GUCY1A2: variants seen among roughly 807,000 people sequenced by gnomAD.
GUCY1A2 encodes the protein guanylate cyclase soluble subunit alpha-2.
GUCY1A2 carries 27 observed loss-of-function variants against 63.5 expected under a neutral mutation model. The ratio of observed to expected loss-of-function variants is 0.43; its 90% CI spans 0.31 to 0.59. GUCY1A2 has a LOEUF of 0.59. Ranked by LOEUF, GUCY1A2 falls within the 20% of genes least tolerant of loss-of-function variation. The pLI is 0.11. For missense variants in GUCY1A2, 768 were observed against 913.3 expected (o/e 0.84, Z 2.05); for synonymous variants, 364 against 343.5 (o/e 1.06, Z -0.66).
chr11:107,016,173 C>T (rs1861820874), intron 1 of GUCY1A2, among the ~76,000 whole-genome samples: 1 of 152,174 alleles, frequency 6.6e-6, no homozygotes, highest in African/African-American at 2.4e-5. Context: ...CAGTAGTAAT[C>T]TCAAAAGAGA....
intron 4 of GUCY1A2, among the ~76,000 whole-genome samples, chr11:106,842,356 C>G (rs965819396): frequency 2.6e-5 from 4 of 151,942 alleles, no homozygotes; most frequent in Non-Finnish European, 5.9e-5. Context: ...TAAGTTCCTG[C>G]TGGGGCCCTG....
intron 4 of GUCY1A2, 38 bp from the exon 5 acceptor site, chr11:106,810,516 A>G: frequency 1.3e-6 from 2 of 1,505,730 alleles, no homozygotes; most frequent in Non-Finnish European, 1.8e-6. Context: ...AGTACTCTTC[A>G]CATAGTAGGT....
Position 106,684,432 on chromosome 11 carries a change from A to G in GUCY1A2, c.*3117T>C, listed in dbSNP as rs911273792. 1 of 191,490 alleles carries G rather than the reference A, an allele frequency of 5.2e-6. No homozygotes were observed. Among genetic ancestry groups the G allele is most frequent in the African/African-American group, 2.3e-5 (1 of 42,972 alleles). 11.9% of individuals were successfully genotyped at this position (191,490 alleles called of 1,614,324 possible). On this transcript the variant is annotated 3_prime_UTR_variant, in exon 8 of 8. Coordinates refer to ENST00000526355, the MANE Select transcript of GUCY1A2 (RefSeq NM_000855.3). ...GATCCAACTACTATGTTTCTGAAGC[A>G]TATTATTATTTTTTATTATGGCCAA... is the stretch of plus-strand genomic sequence containing the variant.
At chr11:106,847,364 A>G (rs1859290433) in intron 4 of GUCY1A2, among the ~76,000 whole-genome samples, 1 of 151,314 alleles carries the variant, frequency 6.6e-6, no homozygotes, top group Non-Finnish European at 1.5e-5. Context: ...TGAAGATGAT[A>G]ATAATACCTT....
In GUCY1A2 at chr11:106,975,808, TG is replaced by T. The variant is rs567789667; in HGVS notation, c.487+2810del. ...CAACATGTGCTCCCAGGGAGTCCCA[TG>T]GAAGAGGTGAGAGAACAAATGAGTG... is the stretch of plus-strand genomic sequence containing the variant. On this transcript the variant is annotated intron_variant, in intron 3 of 7. Transcript: ENST00000526355. Among the ~76,000 whole-genome samples, 1,131 of 152,262 alleles carry T rather than the reference TG, an allele frequency of 7.4e-3. 17 individuals carry two copies. Among genetic ancestry groups the T allele is most frequent in the South Asian group, 0.034 (166 of 4,818 alleles).
Position 106,698,119 on chromosome 11 carries a change from ATTTT to A in GUCY1A2, c.1992-10367_1992-10364del, listed in dbSNP as rs71470827. Among the ~76,000 whole-genome samples the A allele has an allele frequency of 8.1e-4, 81 of 100,488 alleles. 5 individuals are homozygous for A. Among genetic ancestry groups the A allele is most frequent in the Non-Finnish European group, 1.3e-3 (70 of 52,020 alleles). The allele number at this position is 100,488 out of a possible 152,430, so 65.9% of individuals were successfully genotyped here. On this transcript the variant is annotated intron_variant, in intron 7 of 7. Transcript: ENST00000526355. ...TTTACAGCTTTCACTGAATGTTAGAATTTTTTTTTTTTTTTTTTTAGACAGGGTC... is the reference window on the plus strand; with the variant it reads ...TTTACAGCTTTCACTGAATGTTAGAATTTTTTTTTTTTTTTAGACAGGGTC...
intron 3 of GUCY1A2, among the ~76,000 whole-genome samples, chr11:106,953,757 G>T (rs1015780158): frequency 9.2e-5 from 14 of 151,982 alleles, no homozygotes; most frequent in Non-Finnish European, 1.5e-4. Context: ...TTGGTAGGGT[G>T]TATGTGTCCA....
intron 4 of GUCY1A2, among the ~76,000 whole-genome samples, chr11:106,877,950 C>A (rs1417022336): frequency 1.3e-5 from 2 of 151,656 alleles, no homozygotes; most frequent in Non-Finnish European, 2.9e-5. Flanking sequence ...CCCAAACAAA[C>A]CCATTAAAAA....
At chr11:106,881,341 C>G (rs193001890) in intron 4 of GUCY1A2, among the ~76,000 whole-genome samples, 12 of 152,084 alleles carry the variant, frequency 7.9e-5, no homozygotes, top group Admixed American at 7.2e-4. Context: ...CAAAAGATGG[C>G]CATAACTCAG....
chr11:107,018,157 C>A lies in GUCY1A2; in HGVS notation c.-102G>T. On this transcript the variant is annotated 5_prime_UTR_variant, in exon 1 of 8. Transcript: ENST00000526355. ...CGGCAAGCGACAACGTTAAGCGCGT[C>A]GGGGCCGCGGGGCGCTGCGGTCGCG... 1 of 583,146 alleles carries A rather than the reference C, an allele frequency of 1.7e-6. No homozygotes were observed. The highest frequency in any genetic ancestry group is 2.4e-6 in the Non-Finnish European group (1 of 414,838). 36.1% of individuals were successfully genotyped at this position (583,146 alleles called of 1,614,324 possible). A position where few individuals can be genotyped will look rare whatever the true frequency, so the allele number is the denominator to read the frequency against.
At chr11:106,897,392 C>T (rs1460607642) in intron 4 of GUCY1A2, among the ~76,000 whole-genome samples, 6 of 152,012 alleles carry the variant, frequency 3.9e-5, no homozygotes, top group East Asian at 1.9e-4. Context: ...ATATACAACA[C>T]GATATTGAAG....
chr11:106,815,875 C>T (rs1858824239), intron 4 of GUCY1A2, among the ~76,000 whole-genome samples: 1 of 151,780 alleles, frequency 6.6e-6, no homozygotes, highest in Non-Finnish European at 1.5e-5. Flanking sequence ...GCCAAGAAAC[C>T]TCAAGACCTG....
intron 4 of GUCY1A2, among the ~76,000 whole-genome samples, chr11:106,860,208 C>T (rs1170426592): frequency 6.6e-6 from 1 of 151,608 alleles, no homozygotes; most frequent in East Asian, 1.9e-4. Context: ...ACACACAGTG[C>T]TCTGCTGTTT....
intron 3 of GUCY1A2, among the ~76,000 whole-genome samples, chr11:106,970,537 G>A (rs1005000988): frequency 5.3e-5 from 8 of 152,126 alleles, no homozygotes; most frequent in Admixed American, 5.2e-4. Flanking sequence ...CTTCAAGGAG[G>A]AAGGCACATG....
At chr11:106,860,637 G>A (rs747926769) in intron 4 of GUCY1A2, among the ~76,000 whole-genome samples, 1 of 151,866 alleles carries the variant, frequency 6.6e-6, no homozygotes. Context: ...TTCTTTTTAC[G>A]TGCCTGGTGA....
At chr11:106,723,057 A>C (rs1444731883) in intron 6 of GUCY1A2, among the ~76,000 whole-genome samples, 1 of 152,202 alleles carries the variant, frequency 6.6e-6, no homozygotes, top group African/African-American at 2.4e-5. Context: ...TTTTATTATG[A>C]TACAAAGTCA....
intron 6 of GUCY1A2, among the ~76,000 whole-genome samples, chr11:106,774,945 T>G (rs11602711): frequency 0.15 from 22,133 of 152,142 alleles, 1,633 homozygotes; most frequent in East Asian, 0.23. Context: ...TTTTTATTTC[T>G]TATAGTTACG....
At chr11:107,009,213 G>A (rs918949706) in intron 1 of GUCY1A2, among the ~76,000 whole-genome samples, 6 of 152,260 alleles carry the variant, frequency 3.9e-5, no homozygotes, top group East Asian at 1.9e-4. Context: ...ATTTTGGTAA[G>A]GTTTGAGAGG....
chr11:107,013,967 A>G (rs1422956517), intron 1 of GUCY1A2, among the ~76,000 whole-genome samples: 5 of 152,026 alleles, frequency 3.3e-5, no homozygotes, highest in Non-Finnish European at 5.9e-5. Flanking sequence ...CATAGATACT[A>G]CAATATTTTT....
Sources: allele counts gnomAD v4.1 joint callset (sites outside exome capture counted in the v4.1 genomes callset), GRCh38; gene constraint gnomAD v4.1.1; transcripts MANE v1.5; gene names NCBI Gene and HGNC (gene_info 2026-07-23, HGNC 2026-07-21).